The following MALRD1 variants were observed in gnomAD, a reference collection of about 807,000 sequenced individuals.
MALRD1 encodes MAM and LDL receptor class A domain containing 1, also known as MAM and LDL-receptor class A domain-containing protein 1.
MALRD1 carries 247 observed loss-of-function variants against 242.1 expected under a neutral mutation model. The observed-to-expected ratio is 1.02, with a 90% CI of 0.92 to 1.13. The LOEUF (loss-of-function observed/expected upper bound fraction) is 1.13, where lower values mean the gene tolerates loss of function less well. Among genes scored for constraint, MALRD1 ranks in the 50% most tolerant of loss-of-function variants. MALRD1 has a pLI of 0.00. For missense variants in MALRD1, 2,989 were observed against 2,533.1 expected, an observed-to-expected ratio of 1.18 and a Z score of -3.86; for synonymous variants, 995 against 866.6, an observed-to-expected ratio of 1.15 and a Z score of -2.60.
At chr10:19,517,713 G>T (rs1716722689) in intron 31 of MALRD1, among the ~76,000 whole-genome samples, 1 of 152,074 alleles carries the variant, frequency 6.6e-6, no homozygotes, top group African/African-American at 2.4e-5. Flanking sequence ...ATGAGCCTGG[G>T]CACAGTCATA....
In MALRD1 at chr10:19,088,131, C is replaced by G. The variant is rs1349749776; in HGVS notation, c.543C>G (p.Leu181=). The part of the protein sequence containing the change: ...IQHLWQNTAA[L]PNQWERNVIK... ...ATTTATGGCAAAACACAGCTGCACT[C>G]CCAAATCAGTGGGAGAGAAATGTCA... is the stretch of plus-strand genomic sequence containing the variant. The change falls in exon 4 of 40, where the codon CTC becomes CTG. Residue 181 remains leucine (L), a synonymous_variant. Coordinates refer to ENST00000454679, the MANE Select transcript of MALRD1 (RefSeq NM_001142308.3). 7 of 1,233,408 alleles carry G rather than the reference C, an allele frequency of 5.7e-6. No individual in the cohort carries two copies. Among genetic ancestry groups the G allele is most frequent in the Admixed American group, 8.4e-5 (2 of 23,682 alleles). The allele number at this position is 1,233,408 out of a possible 1,614,324, so 76.4% of individuals were successfully genotyped here.
intron 31 of MALRD1, among the ~76,000 whole-genome samples, chr10:19,520,806 C>T (rs1833845908): frequency 1.3e-5 from 2 of 152,130 alleles, no homozygotes; most frequent in African/African-American, 2.4e-5. Context: ...CTATTCACCC[C>T]ATCAAACAAA....
chr10:19,703,660 C>A (rs1486729422), intron 38 of MALRD1, among the ~76,000 whole-genome samples: 2 of 152,248 alleles, frequency 1.3e-5, no homozygotes, highest in African/African-American at 4.8e-5. Flanking sequence ...TTTGGGAGGC[C>A]AAGGCGGGTG....
In MALRD1 at chr10:19,322,773, A is replaced by T. The variant is rs533788223; in HGVS notation, c.3420-1176A>T. On this transcript the variant is annotated intron_variant, in intron 21 of 39. Coordinates refer to ENST00000454679, the MANE Select transcript of MALRD1 (RefSeq NM_001142308.3). ...TCTTTCCATCTGTTTGCTCTTCATA[A>T]TTCCCCCAAAATGATAAAAAATTTC... Among the ~76,000 whole-genome samples, 9 of 152,250 alleles carry T rather than the reference A, an allele frequency of 5.9e-5. No individual in the cohort carries two copies. In the South Asian group the frequency reaches 8.3e-4, roughly 14 times the overall value.
intron 5 of MALRD1, among the ~76,000 whole-genome samples, chr10:19,111,916 T>C (rs2358315): frequency 0.44 from 66,586 of 152,044 alleles, 14,874 homozygotes; most frequent in Admixed American, 0.53. Flanking sequence ...TGGGATGAGA[T>C]TGGCACTTGG....
chr10:19,148,119 G>C (rs1322259392), intron 11 of MALRD1, among the ~76,000 whole-genome samples: 1 of 152,126 alleles, frequency 6.6e-6, no homozygotes, highest in Non-Finnish European at 1.5e-5. Flanking sequence ...GAGATGAGGA[G>C]AATGGAGAGG....
At chr10:19,440,121 C>T (rs757515196) in intron 28 of MALRD1, among the ~76,000 whole-genome samples, 6 of 152,122 alleles carry the variant, frequency 3.9e-5, no homozygotes, top group Non-Finnish European at 7.4e-5. Context: ...CTGTTGTCTC[C>T]TGTAAATTGT....
At chr10:19,543,882 G>GCC (rs1835092329) in intron 32 of MALRD1, among the ~76,000 whole-genome samples, 1 of 152,000 alleles carries the variant, frequency 6.6e-6, no homozygotes, top group Non-Finnish European at 1.5e-5. Context: ...CTCAAGCCTG[G>GCC]CCCAAATAAA....
At chr10:19,066,623 T>C (rs12762531) in intron 1 of MALRD1, 96 bp from the exon 2 acceptor site, 150,766 of 918,776 alleles carry the variant, frequency 0.16, 13,460 homozygotes, top group South Asian at 0.3. Context: ...TGTTGACTTA[T>C]GTCATTTGTT....
At chr10:19,095,330 A>C (rs1306772954) in intron 4 of MALRD1, among the ~76,000 whole-genome samples, 2 of 152,196 alleles carry the variant, frequency 1.3e-5, no homozygotes, top group African/African-American at 2.4e-5. Context: ...AATGAGGGTC[A>C]AAAGAAGGCT....
At chr10:19,628,854 A>G (rs932160253) in intron 36 of MALRD1, among the ~76,000 whole-genome samples, 2 of 152,202 alleles carry the variant, frequency 1.3e-5, no homozygotes, top group African/African-American at 4.8e-5. Context: ...TGCTTCTAAC[A>G]AAGTGTCCTG....
Position 19,283,058 on chromosome 10 carries a change from A to G in MALRD1, c.3296A>G (p.Lys1099Arg), listed in dbSNP as rs142243423. ...VCSFEKRSLC[K>R]WYQPIPVHLL... ...AGCTTTGAGAAAAGAAGCCTGTGTAAATGGTATCAACCAATCCCAGTACAT... is the reference window on the plus strand; with the variant it reads ...AGCTTTGAGAAAAGAAGCCTGTGTAGATGGTATCAACCAATCCCAGTACAT... Residue 1099 changes from lysine (K) to arginine (R), a missense_variant, in exon 21 of 40, where the codon AAA (lysine) becomes AGA (arginine). Transcript: ENST00000454679. 3.0e-4 allele frequency: 470 copies of G among 1,549,324 alleles called. 3 individuals are homozygous for G. In the East Asian group the frequency reaches 9.0e-3, roughly 30 times the overall value.
At position 19,152,633 on chromosome 10, in the gene MALRD1, T is replaced by C. The variant is rs1833984609; in HGVS notation, c.1559-2442T>C. Among the ~76,000 whole-genome samples the C allele has an allele frequency of 2.0e-5, 3 of 152,170 alleles. 1 individual carries two copies. Among genetic ancestry groups the C allele is most frequent in the African/African-American group, 4.8e-5 (2 of 41,454 alleles). On this transcript the variant is annotated intron_variant, in intron 11 of 39. Coordinates refer to ENST00000454679, the MANE Select transcript of MALRD1 (RefSeq NM_001142308.3). ...CTTGCTGTTTATGTATCTGGAAACT[T>C]ACTGCTAAGATAAGATAAGTAATTG...
At chr10:19,076,510 A>G (rs1835322967) in intron 2 of MALRD1, among the ~76,000 whole-genome samples, 1 of 152,006 alleles carries the variant, frequency 6.6e-6, no homozygotes, top group Admixed American at 6.6e-5. Flanking sequence ...TTTTGCATGT[A>G]CCTATCCAGT....
chr10:19,183,155 T>A (rs1835589706), intron 14 of MALRD1, among the ~76,000 whole-genome samples: 1 of 148,730 alleles, frequency 6.7e-6, no homozygotes, highest in Non-Finnish European at 1.5e-5. Context: ...AAAAAACTAA[T>A]TTTTATACTG....
intron 21 of MALRD1, among the ~76,000 whole-genome samples, chr10:19,299,695 C>T (rs1436068341): frequency 6.6e-6 from 1 of 151,886 alleles, no homozygotes; most frequent in Non-Finnish European, 1.5e-5. Flanking sequence ...AAACCCTCAA[C>T]AAACTAGGCA....
chr10:19,552,439 G>T (rs1293385484), intron 32 of MALRD1, among the ~76,000 whole-genome samples: 1 of 152,016 alleles, frequency 6.6e-6, no homozygotes, highest in African/African-American at 2.4e-5. Context: ...ATTTCAGGTT[G>T]TGTTTATTTG....
intron 31 of MALRD1, among the ~76,000 whole-genome samples, chr10:19,522,293 T>G (rs764563055): frequency 2.0e-5 from 3 of 152,136 alleles, no homozygotes; most frequent in Admixed American, 6.5e-5. Context: ...TACCATTGTT[T>G]TGGTATGATT....
chr10:19,327,932 A>C (rs1843205948), intron 23 of MALRD1, among the ~76,000 whole-genome samples: 1 of 152,144 alleles, frequency 6.6e-6, no homozygotes, highest in Non-Finnish European at 1.5e-5. Flanking sequence ...TTCACTCCCC[A>C]GTCAGCCTCA....
Sources: allele counts gnomAD v4.1 joint callset (sites outside exome capture counted in the v4.1 genomes callset), GRCh38; gene constraint gnomAD v4.1.1; transcripts MANE v1.5; gene names NCBI Gene and HGNC (gene_info 2026-07-23, HGNC 2026-07-21).